The following ERN1 variants were observed in gnomAD, a reference collection of about 807,000 sequenced individuals.
ERN1 encodes endoplasmic reticulum to nucleus signaling 1, also known as serine/threonine-protein kinase/endoribonuclease IRE1.
ERN1 carries 39 observed loss-of-function variants against 113.1 expected under a neutral mutation model. The observed-to-expected ratio is 0.34, with a 90% confidence interval of 0.27 to 0.45. ERN1 has a LOEUF of 0.45. ERN1 is among the 20% of genes least tolerant of loss of function. The pLI is 1.00. For synonymous variants in ERN1, 507 were observed against 515.9 expected (o/e 0.98, Z 0.23); for missense variants, 976 against 1,274.8 (o/e 0.77, Z 3.57).
intron 1 of ERN1, among the ~76,000 whole-genome samples, chr17:64,106,542 C>G (rs1223704422): frequency 6.6e-6 from 1 of 152,126 alleles, no homozygotes; most frequent in Non-Finnish European, 1.5e-5. Flanking sequence ...GTGAGGGGTG[C>G]TGTCTAGATG....
chr17:64,097,033 A>G (rs1598077362), intron 2 of ERN1, among the ~76,000 whole-genome samples: 1 of 152,254 alleles, frequency 6.6e-6, no homozygotes, highest in Non-Finnish European at 1.5e-5. Flanking sequence ...TTTTAAAAAC[A>G]TTAAAAGGCT....
Position 64,043,104 on chromosome 17 carries a change from G to A in ERN1, c.*884C>T, listed in dbSNP as rs1912391197. 6.6e-6 allele frequency: 1 copy of A among 152,362 alleles called. No individual in the cohort carries two copies. The highest frequency in any genetic ancestry group is 1.5e-5 in the Non-Finnish European group (1 of 68,096). 9.4% of individuals were successfully genotyped at this position (152,362 alleles called of 1,614,324 possible). ...CGCTGGCCCAGGGCTTTCTCCTGGT[G>A]ACCAGGAGGGTCCCATTCGGCGGCC... On this transcript the variant is annotated 3_prime_UTR_variant, in exon 22 of 22. Transcript: ENST00000433197.
In ERN1 at chr17:64,054,644, A is replaced by T. The variant is rs1243638003; in HGVS notation, c.1763+94T>A. 1.4e-5 allele frequency: 15 copies of T among 1,099,122 alleles called. No individual in the cohort carries two copies. Among genetic ancestry groups the T allele is most frequent in the Non-Finnish European group, 2.0e-5 (15 of 758,674 alleles). The allele number at this position is 1,099,122 out of a possible 1,614,324, so 68.1% of individuals were successfully genotyped here. On this transcript the variant is annotated intron_variant, in intron 14 of 21. Transcript: ENST00000433197. This position sits in a 1 kb window ranked among gnomAD's most constrained non-coding sequence, Gnocchi z 4.9. ...TCCATGCGTCTAGGTCACTGCTTTG[A>T]CCCTGCTGTGCTCTGAGCCTGGCAC...
intron 2 of ERN1, among the ~76,000 whole-genome samples, chr17:64,092,111 G>C (rs1319349420): frequency 6.6e-6 from 1 of 152,138 alleles, no homozygotes; most frequent in Non-Finnish European, 1.5e-5. Flanking sequence ...GGGCATGGAT[G>C]GTGGTCAGGA....
In ERN1 at chr17:64,041,538, C is replaced by G. The variant is rs1223218040; in HGVS notation, c.*2450G>C. 1 of 152,122 alleles carries G rather than the reference C, an allele frequency of 6.6e-6. No homozygotes were observed. The highest frequency in any genetic ancestry group is 1.5e-5 in the Non-Finnish European group (1 of 68,062). The allele number at this position is 152,122 out of a possible 1,614,324, so 9.4% of individuals were successfully genotyped here. On this transcript the variant is annotated 3_prime_UTR_variant, in exon 22 of 22. Coordinates refer to ENST00000433197, the MANE Select transcript of ERN1 (RefSeq NM_001433.5). Reference sequence around the variant, plus strand: ...GCCCAAGGTGTTTTCATGACAAGTACCCACACGAGATCTCTTCAAACAAAC... The same window carrying G: ...GCCCAAGGTGTTTTCATGACAAGTAGCCACACGAGATCTCTTCAAACAAAC...
chr17:64,064,248 T>C (rs191840091), intron 9 of ERN1, 97 bp from the exon 10 acceptor site: 1 of 1,335,222 alleles, frequency 7.5e-7, no homozygotes, highest in East Asian at 2.5e-5. Context: ...GAGCAATTTC[T>C]AGTGCAGGGC....
intron 1 of ERN1, among the ~76,000 whole-genome samples, chr17:64,108,913 A>G (rs1156325842): frequency 6.6e-6 from 1 of 152,184 alleles, no homozygotes; most frequent in Non-Finnish European, 1.5e-5. Flanking sequence ...ACCTGAGGTC[A>G]GGAGTTCGCG....
intron 5 of ERN1, 129 bp from the exon 6 acceptor site, chr17:64,072,232 G>A: frequency 1.0e-6 from 1 of 969,510 alleles, no homozygotes; most frequent in Non-Finnish European, 1.5e-6. Context: ...TTTCTAAGGT[G>A]ATGATATAAA....
In ERN1 at chr17:64,057,794, A is replaced by G; in HGVS notation, c.1398+8T>C. On this transcript the variant is annotated splice_region_variant and intron_variant, in intron 12 of 21. Coordinates refer to ENST00000433197, the MANE Select transcript of ERN1 (RefSeq NM_001433.5). ...GGTGGATGGCAAAGGGGAATTGTTGAGCTTTACCAGGGGATAGGTGATGAT... is the reference window on the plus strand; with the variant it reads ...GGTGGATGGCAAAGGGGAATTGTTGGGCTTTACCAGGGGATAGGTGATGAT... 6.2e-7 allele frequency: 1 copy of G among 1,612,584 alleles called. No individual in the cohort carries two copies. The highest frequency in any genetic ancestry group is 2.2e-5 in the East Asian group (1 of 44,870).
intron 1 of ERN1, among the ~76,000 whole-genome samples, chr17:64,118,441 T>C (rs766415331): frequency 7.2e-5 from 11 of 152,242 alleles, no homozygotes; most frequent in Non-Finnish European, 1.2e-4. Flanking sequence ...AGTGCAGAAC[T>C]GGTCTGCCAC....
Position 64,052,912 on chromosome 17 carries a change from G to T in ERN1, c.2121C>A (p.Ala707=). 6.2e-7 allele frequency: 1 copy of T among 1,613,900 alleles called. No individual in the cohort carries two copies. The highest frequency in any genetic ancestry group is 1.1e-5 in the South Asian group (1 of 91,032). ...TGCAGAGGCCAAAGTCGGAGATCATGGCCTTGATCTTGCCGTGTGCATTGG... is the reference window on the plus strand; with the variant it reads ...TGCAGAGGCCAAAGTCGGAGATCATTGCCTTGATCTTGCCGTGTGCATTGG... ...SMPNAHGKIK[A]MISDFGLCKK... is the part of the protein sequence containing the mutation. The change falls in exon 17 of 22, where the codon GCC becomes GCA. Residue 707 remains alanine (A), a synonymous_variant. Transcript: ENST00000433197.
intron 8 of ERN1, among the ~76,000 whole-genome samples, chr17:64,065,693 C>T (rs763121397): frequency 2.6e-5 from 4 of 151,228 alleles, no homozygotes; most frequent in Non-Finnish European, 5.9e-5. Flanking sequence ...CCAGAACTAC[C>T]CCCATTCTGC....
chr17:64,090,476 C>T (rs928818189), intron 2 of ERN1, among the ~76,000 whole-genome samples: 1 of 152,128 alleles, frequency 6.6e-6, no homozygotes, highest in Non-Finnish European at 1.5e-5. Context: ...CAGCCTGTGT[C>T]CAAATGCCTC....
At chr17:64,112,718 G>A (rs910814963) in intron 1 of ERN1, among the ~76,000 whole-genome samples, 1 of 152,220 alleles carries the variant, frequency 6.6e-6, no homozygotes, top group Admixed American at 6.5e-5. Context: ...TTCCTGATGG[G>A]TGGGGCATAC....
At chr17:64,085,367 G>A (rs959752463) in intron 2 of ERN1, among the ~76,000 whole-genome samples, 1 of 152,152 alleles carries the variant, frequency 6.6e-6, no homozygotes, top group Admixed American at 6.5e-5. Flanking sequence ...AGCTCACAGG[G>A]CGAGAGAAGC....
intron 2 of ERN1, among the ~76,000 whole-genome samples, chr17:64,084,008 C>T (rs1357243503): frequency 1.3e-5 from 2 of 152,146 alleles, no homozygotes; most frequent in Non-Finnish European, 2.9e-5. Flanking sequence ...TCCCTTCAGC[C>T]TTTCTTCTCA....
chr17:64,101,961 A>G (rs1177827158), intron 1 of ERN1, among the ~76,000 whole-genome samples: 2 of 152,194 alleles, frequency 1.3e-5, no homozygotes, highest in African/African-American at 4.8e-5. Context: ...GCAACATTCT[A>G]CAATTGGTTT....
At chr17:64,055,972 G>C (rs1431029638) in intron 12 of ERN1, 24 bp from the exon 13 acceptor site, 1 of 1,516,426 alleles carries the variant, frequency 6.6e-7, no homozygotes, top group African/African-American at 1.4e-5. Flanking sequence ...CCCACATCCA[G>C]ACAAGGGCAG....
rs1003202329 is a variant in ERN1, at chr17:64,071,417, CT to C, written c.478+563del. Among the ~76,000 whole-genome samples the C allele has an allele frequency of 7.5e-4, 109 of 145,676 alleles. 1 individual carries two copies. Among genetic ancestry groups the C allele is most frequent in the South Asian group, 7.4e-3 (34 of 4,612 alleles). On this transcript the variant is annotated intron_variant, in intron 6 of 21. Transcript: ENST00000433197. ...CAGGTAGTTCATCCTAATTGGGAAA[CT>C]TTTTTTTTTTTGGGCAGGGGGGATG...
Sources: gnomAD v4.1 joint callset for allele counts (sites outside exome capture counted in the v4.1 genomes callset) on GRCh38, gnomAD v4.1.1 for gene constraint, Gnocchi (gnomAD v3.1) non-coding constraint, MANE v1.5 for transcripts, NCBI Gene and HGNC (gene_info 2026-07-23, HGNC 2026-07-21) for gene names.